GRM7: variants seen among roughly 807,000 people sequenced by gnomAD.
GRM7 encodes the protein metabotropic glutamate receptor 7.
A neutral mutation model predicts 84.5 loss-of-function variants in GRM7; 35 were observed. The observed-to-expected ratio is 0.41, with a 90% confidence interval of 0.32 to 0.55. The LOEUF (loss-of-function observed/expected upper bound fraction) is 0.55. GRM7 is among the 20% of genes least tolerant of loss of function. GRM7 has a pLI of 0.19. For synonymous variants in GRM7, 487 were observed against 455.1 expected, an observed-to-expected ratio of 1.07 and a Z score of -0.89; for missense variants, 1,003 against 1,194.6, an observed-to-expected ratio of 0.84 and a Z score of 2.36.
intron 8 of GRM7, among the ~76,000 whole-genome samples, chr3:7,618,202 C>A (rs1697197864): frequency 6.6e-6 from 1 of 152,090 alleles, no homozygotes; most frequent in South Asian, 2.1e-4. Flanking sequence ...CATAAAGAAG[C>A]TGGGGGTTTT....
At chr3:7,079,331 C>A (rs950992503) in intron 1 of GRM7, among the ~76,000 whole-genome samples, 7 of 152,084 alleles carry the variant, frequency 4.6e-5, no homozygotes, top group Non-Finnish European at 7.4e-5. Flanking sequence ...AATGCTGGTT[C>A]TTCTACAGAT....
At chr3:7,025,073 C>G (rs1695929904) in intron 1 of GRM7, among the ~76,000 whole-genome samples, 1 of 152,194 alleles carries the variant, frequency 6.6e-6, no homozygotes, top group Non-Finnish European at 1.5e-5. Flanking sequence ...TCATGGGCCT[C>G]TGTTTGTCAT....
chr3:7,441,518 G>T (rs551700180), intron 5 of GRM7, among the ~76,000 whole-genome samples: 2 of 152,022 alleles, frequency 1.3e-5, no homozygotes, highest in East Asian at 3.9e-4. Flanking sequence ...GTCAATTTTT[G>T]TTGCAGTTGC....
intron 1 of GRM7, among the ~76,000 whole-genome samples, chr3:7,072,524 G>A (rs1432710732): frequency 6.6e-6 from 1 of 151,770 alleles, no homozygotes; most frequent in Non-Finnish European, 1.5e-5. Context: ...TCTACAAAAA[G>A]ATAGATAATA....
chr3:7,659,356 T>A (rs189212752), intron 8 of GRM7, among the ~76,000 whole-genome samples: 9 of 152,164 alleles, frequency 5.9e-5, no homozygotes, highest in African/African-American at 2.2e-4. Flanking sequence ...AGAGATGAGC[T>A]ACTGGGAAAG....
rs114915223 is a variant in GRM7 at position 7,722,438 on chromosome 3, A to G, written c.2699-17919A>G. On this transcript the variant is annotated intron_variant, in intron 9 of 9. Coordinates refer to ENST00000357716, the MANE Select transcript of GRM7 (RefSeq NM_000844.4). The stretch of plus-strand genomic sequence containing the variant: ...AGGGTCATACAGCTGAATGGTGACA[A>G]TCCTTGTGTCTTTTTTTTTTTTTTT... 5.0e-3 allele frequency among the ~76,000 whole-genome samples: 643 copies of G among 129,736 alleles called. 5 individuals carry two copies. The highest frequency in any genetic ancestry group is 0.019 in the African/African-American group (608 of 32,618). The allele number at this position is 129,736 out of a possible 152,430, so 85.1% of individuals were successfully genotyped here.
intron 8 of GRM7, among the ~76,000 whole-genome samples, chr3:7,643,206 G>A (rs1698440512): frequency 6.6e-6 from 1 of 152,084 alleles, no homozygotes; most frequent in Admixed American, 6.6e-5. Flanking sequence ...CAGAGCTCTG[G>A]CTTCAATTTC....
intron 1 of GRM7, among the ~76,000 whole-genome samples, chr3:7,082,047 A>G (rs1026012825): frequency 4.6e-5 from 7 of 152,148 alleles, no homozygotes; most frequent in African/African-American, 1.7e-4. Flanking sequence ...AAGCAGCAGC[A>G]ATTTATCCAG....
At chr3:7,701,387 G>A (rs931126764) in intron 9 of GRM7, among the ~76,000 whole-genome samples, 8 of 143,620 alleles carry the variant, frequency 5.6e-5, no homozygotes, top group Admixed American at 4.5e-4. Context: ...TACAAGCTCC[G>A]TCTCCTGGGT....
intron 1 of GRM7, among the ~76,000 whole-genome samples, chr3:6,908,691 A>G (rs1444985639): frequency 6.6e-6 from 1 of 152,156 alleles, no homozygotes; most frequent in Non-Finnish European, 1.5e-5. Flanking sequence ...GAGTAATCAG[A>G]CACAAAGAAT....
At chr3:7,488,631 G>A (rs1255357673) in intron 7 of GRM7, among the ~76,000 whole-genome samples, 1 of 152,180 alleles carries the variant, frequency 6.6e-6, no homozygotes, top group African/African-American at 2.4e-5. Flanking sequence ...CCCGCCAACA[G>A]GCAAGCAGAT....
chr3:6,891,158 C>T (rs1160898637), intron 1 of GRM7, among the ~76,000 whole-genome samples: 3 of 152,134 alleles, frequency 2.0e-5, no homozygotes, highest in Non-Finnish European at 4.4e-5. Context: ...CTGAATACAG[C>T]ACACTGATGG....
intron 2 of GRM7, among the ~76,000 whole-genome samples, chr3:7,237,066 G>T (rs1431864410): frequency 1.3e-5 from 2 of 152,074 alleles, no homozygotes; most frequent in East Asian, 3.9e-4. Context: ...AACCCATTTT[G>T]TCCTCAGTGA....
intron 1 of GRM7, among the ~76,000 whole-genome samples, chr3:7,011,704 C>T (rs17046525): frequency 0.028 from 4,313 of 152,158 alleles, 205 homozygotes; most frequent in African/African-American, 0.095. Context: ...CAATTGAAGG[C>T]AAACCTGGGA....
intron 1 of GRM7, among the ~76,000 whole-genome samples, chr3:6,967,020 G>C (rs919548230): frequency 2.0e-5 from 3 of 152,064 alleles, no homozygotes; most frequent in African/African-American, 7.2e-5. Flanking sequence ...CTCTATTATA[G>C]CACAGTGACT....
intron 1 of GRM7, among the ~76,000 whole-genome samples, chr3:6,893,359 A>G (rs1696045095): frequency 6.6e-6 from 1 of 152,200 alleles, no homozygotes; most frequent in South Asian, 2.1e-4. Flanking sequence ...ATTACTTTAA[A>G]GTATCTTGGC....
chr3:7,060,319 A>C (rs575403586), intron 1 of GRM7, among the ~76,000 whole-genome samples: 83 of 151,952 alleles, frequency 5.5e-4, no homozygotes, highest in African/African-American at 1.8e-3. Context: ...CAGGATCTTG[A>C]ATTCATAGCC....
chr3:6,904,484 T>A (rs567059115), intron 1 of GRM7, among the ~76,000 whole-genome samples: 118 of 152,322 alleles, frequency 7.7e-4, no homozygotes, highest in African/African-American at 2.7e-3. Context: ...GCAAGCTATA[T>A]AAGACAGTGC....
chr3:7,097,249 C>A (rs116587569), intron 1 of GRM7, among the ~76,000 whole-genome samples: 1 of 151,998 alleles, frequency 6.6e-6, no homozygotes, highest in African/African-American at 2.4e-5. Context: ...AATATTGTGC[C>A]TACACATAGG....
Sources: allele counts gnomAD v4.1 joint callset (sites outside exome capture counted in the v4.1 genomes callset), GRCh38; gene constraint gnomAD v4.1.1; transcripts MANE v1.5; gene names NCBI Gene and HGNC (gene_info 2026-07-23, HGNC 2026-07-21).